Variants in ZNF385D observed in about 807,000 individuals in gnomAD.
ZNF385D encodes the protein zinc finger protein 659.
ZNF385D carries 15 observed loss-of-function variants against 35.8 expected under a neutral mutation model. The ratio of observed to expected loss-of-function variants is 0.42; its 90% CI spans 0.28 to 0.64. The LOEUF is 0.64. Ranked by LOEUF, ZNF385D falls within the 30% of genes least tolerant of loss-of-function variation. The pLI, the probability that ZNF385D is intolerant of heterozygous loss-of-function variation, is 0.23. For synonymous variants in ZNF385D, 212 were observed against 186.8 expected (o/e 1.13, Z -1.10); for missense variants, 474 against 494.6 (o/e 0.96, Z 0.39).
At chr3:21,888,499 G>C (rs1698670890) in intron 3 of ZNF385D, among the ~76,000 whole-genome samples, 2 of 152,040 alleles carry the variant, frequency 1.3e-5, no homozygotes, top group African/African-American at 2.4e-5. Flanking sequence ...GTACCAGAGA[G>C]TAGAACAGAG....
chr3:22,265,751 T>C (rs905249404), intron 2 of ZNF385D, among the ~76,000 whole-genome samples: 7 of 151,924 alleles, frequency 4.6e-5, no homozygotes, highest in African/African-American at 1.7e-4. Context: ...TTATCACTGA[T>C]CCAACACCTA....
At chr3:22,289,317 T>A (rs1378689417) in intron 2 of ZNF385D, among the ~76,000 whole-genome samples, 2 of 152,156 alleles carry the variant, frequency 1.3e-5, no homozygotes, top group African/African-American at 4.8e-5. Context: ...ATTCATTACG[T>A]GCAAGCTGTT....
chr3:22,365,225 A>G (rs2125518805), intron 2 of ZNF385D, among the ~76,000 whole-genome samples: 1 of 152,190 alleles, frequency 6.6e-6, no homozygotes, highest in African/African-American at 2.4e-5. Context: ...ACTTAAAATG[A>G]TTAAGATGAT....
rs71044967 is a variant in ZNF385D at position 22,030,256 on chromosome 3, C to CATATATATAT, written c.325+138551_325+138560dup. Among the ~76,000 whole-genome samples the CATATATATAT allele has an allele frequency of 8.4e-3, 183 of 21,712 alleles. 22 individuals carry two copies. Among genetic ancestry groups the CATATATATAT allele is most frequent in the Non-Finnish European group, 0.013 (141 of 11,132 alleles). The allele number at this position is 21,712 out of a possible 152,430, so 14.2% of individuals were successfully genotyped here. A position where few individuals can be genotyped will look rare whatever the true frequency, so the allele number is the denominator to read the frequency against. Reference sequence around the variant, plus strand: ...CAAGTTAATACTTAATAAACTCATTCATATATATATATATATATATATATA... The same window carrying CATATATATAT: ...CAAGTTAATACTTAATAAACTCATTCATATATATATATATATATATATATATATATATATA... On this transcript the variant is annotated intron_variant, in intron 3 of 5. Transcript: ENST00000494108.
chr3:21,948,052 C>T (rs1043192101), intron 3 of ZNF385D, among the ~76,000 whole-genome samples: 4 of 151,980 alleles, frequency 2.6e-5, no homozygotes, highest in African/African-American at 9.7e-5. Flanking sequence ...ATGTCTGATT[C>T]TGGACTTTCT....
chr3:21,777,884 C>G (rs1209652357), intron 3 of ZNF385D: 1 of 151,782 alleles, frequency 6.6e-6, no homozygotes, highest in Non-Finnish European at 1.5e-5. Context: ...ACATGTGGAA[C>G]AGAGACACCC....
chr3:22,030,648 T>C (rs1006570998), intron 3 of ZNF385D, among the ~76,000 whole-genome samples: 6 of 152,028 alleles, frequency 3.9e-5, no homozygotes, highest in African/African-American at 1.4e-4. Context: ...AGATTACAAT[T>C]TGAGATGAGA....
chr3:21,826,349 T>C (rs1284107204), intron 3 of ZNF385D, among the ~76,000 whole-genome samples: 3 of 152,136 alleles, frequency 2.0e-5, no homozygotes, highest in Non-Finnish European at 4.4e-5. Flanking sequence ...GAATATTACT[T>C]ACGTTTCCAG....
intron 3 of ZNF385D, among the ~76,000 whole-genome samples, chr3:21,886,762 T>C (rs1698569000): frequency 6.6e-6 from 1 of 152,156 alleles, no homozygotes; most frequent in African/African-American, 2.4e-5. Flanking sequence ...TTCAAATACA[T>C]GATTAGCATT....
chr3:22,321,174 T>TG (rs978455225), intron 2 of ZNF385D, among the ~76,000 whole-genome samples: 2 of 148,086 alleles, frequency 1.4e-5, no homozygotes, highest in Admixed American at 6.7e-5. Context: ...GTTTTTTTTT[T>TG]TTTTTTTTTT....
At chr3:22,186,370 C>A (rs1225478283) in intron 2 of ZNF385D, among the ~76,000 whole-genome samples, 1 of 152,112 alleles carries the variant, frequency 6.6e-6, no homozygotes. Context: ...AAATGGTCAA[C>A]CATGGAAACA....
chr3:21,713,787 T>A (rs76894269), intron 1 of ZNF385D, among the ~76,000 whole-genome samples: 1 of 152,092 alleles, frequency 6.6e-6, no homozygotes, highest in Non-Finnish European at 1.5e-5. Context: ...AGAGACTGCA[T>A]TTTGTCATTA....
Position 21,650,429 on chromosome 3 carries a change from C to T in ZNF385D, c.165+14457G>A, listed in dbSNP as rs1349930945. 4.6e-5 allele frequency among the ~76,000 whole-genome samples: 7 copies of T among 152,088 alleles called. No individual in the cohort carries two copies. The East Asian group carries it at 5.8e-4, about 13-fold the overall frequency. On this transcript the variant is annotated intron_variant, in intron 2 of 7. Transcript: ENST00000281523. ...CCTGCCAATTACTGTAAAGAAAGACCATCTAAACCAGTTAAATACAGGCAA... is the reference window on the plus strand; with the variant it reads ...CCTGCCAATTACTGTAAAGAAAGACTATCTAAACCAGTTAAATACAGGCAA...
intron 1 of ZNF385D, among the ~76,000 whole-genome samples, chr3:21,729,185 T>C (rs1020240590): frequency 3.3e-5 from 5 of 152,186 alleles, no homozygotes; most frequent in African/African-American, 9.6e-5. Flanking sequence ...GTTTTACTGA[T>C]GGCAAAAATC....
intron 1 of ZNF385D, among the ~76,000 whole-genome samples, chr3:21,714,945 G>C (rs4858350): frequency 0.69 from 104,423 of 151,614 alleles, 36,048 homozygotes; most frequent in East Asian, 0.74. Flanking sequence ...GTTACCCTCT[G>C]CCCGATGCCC....
At chr3:22,000,147 T>C (rs1307390206) in intron 3 of ZNF385D, among the ~76,000 whole-genome samples, 1 of 151,940 alleles carries the variant, frequency 6.6e-6, no homozygotes, top group Non-Finnish European at 1.5e-5. Context: ...CTACTCAAAA[T>C]ACAAAAAATT....
intron 3 of ZNF385D, among the ~76,000 whole-genome samples, chr3:21,850,204 T>C (rs1400117981): frequency 1.3e-5 from 2 of 152,110 alleles, no homozygotes; most frequent in African/African-American, 4.8e-5. Context: ...TTGCACATGA[T>C]GGAAAAACTT....
chr3:21,553,541 G>A (rs1268133375), intron 3 of ZNF385D, among the ~76,000 whole-genome samples: 1 of 152,128 alleles, frequency 6.6e-6, no homozygotes, highest in Admixed American at 6.6e-5. Context: ...AGTGTTGGTG[G>A]TTTCAGGTTG....
At chr3:21,514,254 T>C (rs1707417687) in intron 3 of ZNF385D, among the ~76,000 whole-genome samples, 1 of 152,146 alleles carries the variant, frequency 6.6e-6, no homozygotes, top group Admixed American at 6.6e-5. Flanking sequence ...ATGCAAATAA[T>C]TATTTTTCAC....
Sources: allele counts gnomAD v4.1 joint callset (sites outside exome capture counted in the v4.1 genomes callset), GRCh38; gene constraint gnomAD v4.1.1; transcripts MANE v1.5; gene names NCBI Gene and HGNC (gene_info 2026-07-23, HGNC 2026-07-21).